CNTN4: variants seen among roughly 807,000 people sequenced by gnomAD.
The protein encoded by CNTN4 is contactin 4.
CNTN4 carries 77 observed loss-of-function variants against 122.5 expected under a neutral mutation model. The ratio of observed to expected loss-of-function variants is 0.63; its 90% confidence interval spans 0.52 to 0.76. The LOEUF is 0.76. Among genes scored for constraint, CNTN4 ranks in the 30% least tolerant of loss-of-function variants. The probability of loss-of-function intolerance (pLI) is 0.00; values close to 1 mark genes in which losing one functional copy is unlikely to be tolerated. For synonymous variants in CNTN4, 512 were observed against 447.0 expected (o/e 1.15, Z -1.83); for missense variants, 1,256 against 1,259.1 (o/e 1.00, Z 0.04).
chr3:2,671,760 A>T (rs1285388537), intron 4 of CNTN4, among the ~76,000 whole-genome samples: 4 of 152,100 alleles, frequency 2.6e-5, no homozygotes, highest in African/African-American at 9.7e-5. Flanking sequence ...GACATACGAC[A>T]TACAGATGGG....
chr3:2,534,881 G>A (rs911329747), intron 3 of CNTN4, among the ~76,000 whole-genome samples: 1 of 147,290 alleles, frequency 6.8e-6, no homozygotes, highest in African/African-American at 2.5e-5. Flanking sequence ...GTGAGTTTAG[G>A]TGGCTGTGGA....
At chr3:2,375,502 G>A (rs1202809924) in intron 3 of CNTN4, among the ~76,000 whole-genome samples, 1 of 152,084 alleles carries the variant, frequency 6.6e-6, no homozygotes, top group Non-Finnish European at 1.5e-5. Context: ...AGCAGAAAAG[G>A]CCGCCTGGGT....
At chr3:2,363,470 C>G (rs1259005615) in intron 3 of CNTN4, among the ~76,000 whole-genome samples, 1 of 152,228 alleles carries the variant, frequency 6.6e-6, no homozygotes, top group Non-Finnish European at 1.5e-5. Flanking sequence ...TGCAACTTTT[C>G]TCTCTGCAAC....
chr3:2,741,431 T>C (rs1261992070), intron 5 of CNTN4, among the ~76,000 whole-genome samples: 2 of 152,044 alleles, frequency 1.3e-5, no homozygotes, highest in African/African-American at 4.8e-5. Context: ...AAACAACAAC[T>C]CTCTAATGGA....
chr3:2,375,517 C>T (rs1400330125), intron 3 of CNTN4, among the ~76,000 whole-genome samples: 1 of 152,136 alleles, frequency 6.6e-6, no homozygotes, highest in African/African-American at 2.4e-5. Flanking sequence ...CTGGGTGCAT[C>T]AGTTAAGTTA....
chr3:2,444,781 G>A (rs774871876), intron 3 of CNTN4, among the ~76,000 whole-genome samples: 12 of 152,018 alleles, frequency 7.9e-5, no homozygotes, highest in African/African-American at 2.7e-4. Flanking sequence ...ATGAACTAAT[G>A]TCCTTCCAAC....
At chr3:2,936,412 C>T (rs1321131338) in intron 13 of CNTN4, among the ~76,000 whole-genome samples, 1 of 152,176 alleles carries the variant, frequency 6.6e-6, no homozygotes, top group African/African-American at 2.4e-5. Context: ...GCCCAGGAAT[C>T]AGAATACTTG....
chr3:2,117,228 C>G (rs893891087), intron 2 of CNTN4, among the ~76,000 whole-genome samples: 1 of 152,174 alleles, frequency 6.6e-6, no homozygotes, highest in South Asian at 2.1e-4. Context: ...AGTTAATTTG[C>G]TAGAGCTTCT....
intron 3 of CNTN4, among the ~76,000 whole-genome samples, chr3:2,530,216 T>C (rs1035880429): frequency 1.3e-5 from 2 of 152,026 alleles, no homozygotes; most frequent in African/African-American, 2.4e-5. Context: ...ATAAATAAAA[T>C]CCAGCTCTGT....
chr3:2,120,405 A>ATATATATATATATATATATATATTT (rs1428527983), intron 2 of CNTN4, among the ~76,000 whole-genome samples: 13 of 40,798 alleles, frequency 3.2e-4, no homozygotes, highest in Admixed American at 1.3e-3. Flanking sequence ...ATATATATAT[A>ATATATATATATATATATATATATTT]TTTTTTTTTT....
chr3:2,515,722 C>T lies in CNTN4; in HGVS notation c.-88-55694C>T, dbSNP rs144076651. 2.7e-3 allele frequency among the ~76,000 whole-genome samples: 412 copies of T among 152,108 alleles called. 3 individuals carry two copies. The highest frequency in any genetic ancestry group is 8.6e-3 in the African/African-American group (358 of 41,510). On this transcript the variant is annotated intron_variant, in intron 3 of 24. Transcript: ENST00000418658. ...ACTAATGAGTGCTTCTTGATATACT[C>T]GAACCAACTTGTGAATACACTTCAT... is the stretch of plus-strand genomic sequence containing the variant.
chr3:2,498,707 C>G (rs1383938506), intron 3 of CNTN4, among the ~76,000 whole-genome samples: 1 of 152,024 alleles, frequency 6.6e-6, no homozygotes, highest in Non-Finnish European at 1.5e-5. Context: ...ATACTGAACT[C>G]TTGGACTCAA....
chr3:3,026,276 G>T lies in CNTN4; in HGVS notation c.1661G>T (p.Gly554Val). 6.2e-7 allele frequency: 1 copy of T among 1,612,836 alleles called. No homozygotes were observed. Among genetic ancestry groups the T allele is most frequent in the South Asian group, 1.1e-5 (1 of 91,034 alleles). ...GGGGACCACTTTGAAAGAGTTGGAG[G>T]GGTAAGTATTAATAGCAAAAACTGA... ...RDGDHFERVG[G>V]QDSAGDLMIR... The change falls in exon 15 of 25, where the codon GGG (glycine) becomes GTG (valine). Residue 554 changes from glycine (G) to valine (V), a missense_variant and splice_region_variant. By Grantham distance (109) the Gly-to-Val change is moderately radical (BLOSUM62 -3). Coordinates refer to ENST00000418658, the MANE Select transcript of CNTN4 (RefSeq NM_175607.3).
chr3:2,292,229 A>G (rs901864124), intron 2 of CNTN4, among the ~76,000 whole-genome samples: 3 of 152,146 alleles, frequency 2.0e-5, no homozygotes, highest in Admixed American at 1.3e-4. Context: ...CTTCTCTAAT[A>G]GTGTTATATT....
At chr3:2,263,391 T>C (rs1269579991) in intron 2 of CNTN4, among the ~76,000 whole-genome samples, 1 of 152,138 alleles carries the variant, frequency 6.6e-6, no homozygotes, top group Non-Finnish European at 1.5e-5. Flanking sequence ...ATTTTTTACA[T>C]TTTAAAACAA....
intron 6 of CNTN4, among the ~76,000 whole-genome samples, chr3:2,780,397 A>C (rs945277976): frequency 2.0e-5 from 3 of 152,186 alleles, no homozygotes; most frequent in African/African-American, 4.8e-5. Flanking sequence ...TAAAATCTCT[A>C]AAAGGCTCTG....
At chr3:3,048,536 GTGTGTGTGTATTTGTGTGTGTGTA>G (rs980877005) in intron 23 of CNTN4, among the ~76,000 whole-genome samples, 1 of 151,612 alleles carries the variant, frequency 6.6e-6, no homozygotes, top group Non-Finnish European at 1.5e-5. Flanking sequence ...GTGTGTGTGT[GTGTGTGTGTATTTGTGTGTGTGTA>G]TGTGTGGTAC....
Position 2,900,822 on chromosome 3 carries a change from G to T in CNTN4, c.1077+1G>T. 1 of 1,613,834 alleles carries T rather than the reference G, an allele frequency of 6.2e-7. No homozygotes were observed. Among genetic ancestry groups the T allele is most frequent in the Non-Finnish European group, 8.5e-7 (1 of 1,179,732 alleles). ...AAATGGCGAACCTCTGCTAACTCGG[G>T]TAAGCAAGTTAATGGTAATTGTGCC... On this transcript the variant is annotated splice_donor_variant, in intron 11 of 24. Coordinates refer to ENST00000418658, the MANE Select transcript of CNTN4 (RefSeq NM_175607.3). LOFTEE classifies it high-confidence loss of function.
intron 3 of CNTN4, among the ~76,000 whole-genome samples, chr3:2,492,331 G>T (rs963522422): frequency 6.6e-6 from 1 of 152,108 alleles, no homozygotes; most frequent in Admixed American, 6.6e-5. Context: ...TGGAGTTTGC[G>T]ATAGTGGGTC....
Sources: gnomAD v4.1 joint callset for allele counts (sites outside exome capture counted in the v4.1 genomes callset) on GRCh38, gnomAD v4.1.1 for gene constraint, MANE v1.5 for transcripts, NCBI Gene and HGNC (gene_info 2026-07-23, HGNC 2026-07-21) for gene names.